PTPRN2: variants seen among roughly 807,000 people sequenced by gnomAD.
PTPRN2 encodes the protein protein tyrosine phosphatase receptor type N2, also known as receptor-type tyrosine-protein phosphatase N2.
A neutral mutation model predicts 118.8 loss-of-function variants in PTPRN2; 74 were observed. The ratio of observed to expected loss-of-function variants is 0.62; its 90% CI spans 0.52 to 0.76. PTPRN2 has a LOEUF of 0.76. Ranked by LOEUF, PTPRN2 falls within the 30% of genes least tolerant of loss-of-function variation. PTPRN2 has a pLI of 0.00. For synonymous variants in PTPRN2, 641 were observed against 608.0 expected (o/e 1.05, Z -0.80); for missense variants, 1,481 against 1,394.4 (o/e 1.06, Z -0.99).
chr7:158,127,001 T>C (rs1450283891), intron 9 of PTPRN2, among the ~76,000 whole-genome samples: 1 of 152,192 alleles, frequency 6.6e-6, no homozygotes, highest in Non-Finnish European at 1.5e-5. Context: ...GCCATTTTGC[T>C]GCTTGCCTTC....
intron 11 of PTPRN2, among the ~76,000 whole-genome samples, chr7:158,048,005 C>T (rs745949402): frequency 7.9e-5 from 12 of 151,994 alleles, no homozygotes; most frequent in African/African-American, 2.2e-4. Flanking sequence ...AGAATGGGGC[C>T]GAATTCAGAG....
chr7:157,823,583 C>A (rs1013016372), intron 12 of PTPRN2, among the ~76,000 whole-genome samples: 15 of 152,166 alleles, frequency 9.9e-5, no homozygotes, highest in African/African-American at 3.4e-4. Flanking sequence ...TTGTCTTCAT[C>A]CCCCAAGGAT....
At chr7:158,320,549 C>T (rs1263237181) in intron 2 of PTPRN2, among the ~76,000 whole-genome samples, 2 of 53,754 alleles carry the variant, frequency 3.7e-5, no homozygotes, top group African/African-American at 1.7e-4. Flanking sequence ...CCCGCGTCCT[C>T]GGCAGCGCCG....
intron 2 of PTPRN2, among the ~76,000 whole-genome samples, chr7:158,467,898 G>A (rs1819506163): frequency 6.6e-6 from 1 of 152,170 alleles, no homozygotes; most frequent in Non-Finnish European, 1.5e-5. Flanking sequence ...TGTTGCGTTT[G>A]TTACACTGTG....
intron 12 of PTPRN2, among the ~76,000 whole-genome samples, chr7:157,817,956 C>A (rs1806527902): frequency 6.6e-6 from 1 of 151,472 alleles, no homozygotes; most frequent in African/African-American, 2.4e-5. Flanking sequence ...GTGTTATGTG[C>A]ATGGTGTGTG....
At chr7:158,330,052 C>G (rs1586289993) in intron 2 of PTPRN2, among the ~76,000 whole-genome samples, 2 of 148,482 alleles carry the variant, frequency 1.3e-5, no homozygotes, top group Non-Finnish European at 3.0e-5. Context: ...AGACGTCACT[C>G]ACACCCACAC....
At chr7:157,667,481 C>G (rs542102758) in intron 13 of PTPRN2, among the ~76,000 whole-genome samples, 32 of 152,370 alleles carry the variant, frequency 2.1e-4, no homozygotes, top group African/African-American at 7.7e-4. Flanking sequence ...AGCCACACAG[C>G]CTCACGGGAG....
At chr7:158,261,888 CCA>C (rs1351223895) in intron 3 of PTPRN2, among the ~76,000 whole-genome samples, 2 of 152,210 alleles carry the variant, frequency 1.3e-5, no homozygotes, top group African/African-American at 4.8e-5. Context: ...AGCTAATTCC[CCA>C]CACAGTTAGT....
rs116102648 is a variant in PTPRN2 at position 157,874,628 on chromosome 7, G to A, written c.1788+24045C>T. 1.3e-5 allele frequency among the ~76,000 whole-genome samples: 2 copies of A among 152,198 alleles called. No homozygotes were observed. The highest frequency in any genetic ancestry group is 2.9e-5 in the Non-Finnish European group (2 of 68,042). ...TCCCGGGGTCCGGGGAGAAGCGGAG[G>A]GGGGCAGAGAAGGCCGTGCCACCCA... On this transcript the variant is annotated intron_variant, in intron 12 of 22. Transcript: ENST00000389418. The surrounding 1 kb of genome is among the most constrained non-coding windows in gnomAD (Gnocchi z 5.8).
chr7:157,669,413 G>A (rs1185264320), intron 13 of PTPRN2: 6 of 424,504 alleles, frequency 1.4e-5, no homozygotes, highest in Admixed American at 5.3e-5. Context: ...ACCCACACAC[G>A]TGTTTGCACG....
rs1348529930 is a variant in PTPRN2, at chr7:158,003,271, G to A, written c.1723+78027C>T. On this transcript the variant is annotated intron_variant, in intron 11 of 22. Transcript: ENST00000389418. This position sits in a 1 kb window ranked among gnomAD's most constrained non-coding sequence, Gnocchi z 5.0. ...CTACTAAAAATACAAAAAATTAGCC[G>A]GGCGTGTTGGCGGGCGCCTGTAGTC... is the stretch of plus-strand genomic sequence containing the variant. Among the ~76,000 whole-genome samples the A allele has an allele frequency of 2.6e-5, 4 of 151,806 alleles. No individual in the cohort carries two copies. The highest frequency in any genetic ancestry group is 1.9e-4 in the East Asian group (1 of 5,148).
chr7:158,390,931 C>T (rs144645084), intron 2 of PTPRN2, among the ~76,000 whole-genome samples: 71 of 152,314 alleles, frequency 4.7e-4, no homozygotes, highest in Non-Finnish European at 8.4e-4. Flanking sequence ...ACTGTGTCCA[C>T]GTGGCAGGCT....
intron 1 of PTPRN2, among the ~76,000 whole-genome samples, chr7:158,539,152 G>A (rs899982643): frequency 6.6e-6 from 1 of 152,158 alleles, no homozygotes; most frequent in Non-Finnish European, 1.5e-5. Context: ...CATTTTCCCT[G>A]AACTATGTCT....
chr7:158,071,842 G>T (rs1436553926), intron 11 of PTPRN2, among the ~76,000 whole-genome samples: 2 of 49,978 alleles, frequency 4.0e-5, no homozygotes, highest in African/African-American at 9.8e-5. Flanking sequence ...TGGTGGAGGT[G>T]CTCGTGGTGG....
At chr7:158,234,029 C>T (rs1829347570) in intron 3 of PTPRN2, among the ~76,000 whole-genome samples, 2 of 152,034 alleles carry the variant, frequency 1.3e-5, no homozygotes, top group Admixed American at 1.3e-4. Context: ...TAAAAGAAAA[C>T]ACTAAGGAAA....
intron 6 of PTPRN2, among the ~76,000 whole-genome samples, chr7:158,145,653 A>G (rs1164782270): frequency 2.0e-5 from 3 of 152,234 alleles, no homozygotes; most frequent in African/African-American, 7.2e-5. Context: ...CTGAACCAAC[A>G]GGGGCTCCCC....
intron 19 of PTPRN2, chr7:157,574,512 A>AAG: frequency 8.4e-6 from 3 of 356,476 alleles, no homozygotes; most frequent in Non-Finnish European, 1.9e-5. Context: ...GAGAGTAATA[A>AAG]TGAGAGAGAG....
At chr7:157,872,676 C>T (rs1811182210) in intron 12 of PTPRN2, among the ~76,000 whole-genome samples, 1 of 152,276 alleles carries the variant, frequency 6.6e-6, no homozygotes. Context: ...CCCAGGCCGC[C>T]TGTCCAACTG....
At chr7:157,643,766 G>A (rs1247954996) in intron 14 of PTPRN2, among the ~76,000 whole-genome samples, 2 of 152,254 alleles carry the variant, frequency 1.3e-5, no homozygotes, top group African/African-American at 4.8e-5. Flanking sequence ...GGAAGTGTGA[G>A]CTGAGCTCTA....
Sources: gnomAD v4.1 joint callset for allele counts (sites outside exome capture counted in the v4.1 genomes callset) on GRCh38, gnomAD v4.1.1 for gene constraint, Gnocchi (gnomAD v3.1) non-coding constraint, MANE v1.5 for transcripts, NCBI Gene and HGNC (gene_info 2026-07-23, HGNC 2026-07-21) for gene names.